Variants in DNM3 observed in about 807,000 individuals in gnomAD.
DNM3 encodes the protein dynamin 3.
A neutral mutation model predicts 101.6 loss-of-function variants in DNM3; 47 were observed. The observed-to-expected ratio is 0.46, with a 90% CI of 0.37 to 0.59. DNM3 has a LOEUF of 0.59. Ranked by LOEUF, DNM3 falls within the 20% of genes least tolerant of loss-of-function variation. The pLI is 0.00. For missense variants in DNM3, 849 were observed against 1,085.7 expected (o/e 0.78, Z 3.06); for synonymous variants, 385 against 387.9 (o/e 0.99, Z 0.09).
chr1:172,105,715 G>T (rs978866044), intron 13 of DNM3, among the ~76,000 whole-genome samples: 1 of 151,856 alleles, frequency 6.6e-6, no homozygotes, highest in South Asian at 2.1e-4. Flanking sequence ...TTCACTTGCT[G>T]TTTTCCCATC....
At chr1:172,383,244 C>A (rs2069011527) in intron 18 of DNM3, among the ~76,000 whole-genome samples, 1 of 152,116 alleles carries the variant, frequency 6.6e-6, no homozygotes, top group Admixed American at 6.6e-5. Context: ...ATTAGTTTTG[C>A]CTGTTTTTGC....
At position 172,410,042 on chromosome 1, in the gene DNM3, T is replaced by C. The variant is rs1350951515; in HGVS notation, c.*2201T>C. On this transcript the variant is annotated 3_prime_UTR_variant, in exon 21 of 21. Coordinates refer to ENST00000627582, the MANE Select transcript of DNM3 (RefSeq NM_015569.5). The stretch of plus-strand genomic sequence containing the variant: ...TTGCTTTTAGATTATAGTCCCACAG[T>C]TGCACTGCCCCAATTGTCTACCTTT... 1.0e-6 allele frequency: 1 copy of C among 985,562 alleles called. No homozygotes were observed. Among genetic ancestry groups the C allele is most frequent in the African/African-American group, 1.7e-5 (1 of 57,244 alleles). The allele number at this position is 985,562 out of a possible 1,614,324, so 61.1% of individuals were successfully genotyped here.
intron 13 of DNM3, among the ~76,000 whole-genome samples, chr1:172,106,279 T>C (rs1054717244): frequency 6.6e-6 from 1 of 151,980 alleles, no homozygotes; most frequent in South Asian, 2.1e-4. Context: ...AAATTGGCCA[T>C]ATGTGGTGGC....
intron 1 of DNM3, among the ~76,000 whole-genome samples, chr1:171,867,424 G>A (rs1443960952): frequency 2.0e-5 from 3 of 152,126 alleles, no homozygotes; most frequent in African/African-American, 4.8e-5. Context: ...TCACATCTGC[G>A]CTAGGCTCCA....
At chr1:172,093,674 A>G (rs777771472) in intron 13 of DNM3, 3 of 1,603,658 alleles carry the variant, frequency 1.9e-6, no homozygotes, top group African/African-American at 2.7e-5. Context: ...GAACTAAAGC[A>G]TATAATTCTT....
At chr1:172,413,306 A>C (rs975712647), downstream of DNM3, among the ~76,000 whole-genome samples, 1 of 152,140 alleles carries the variant, frequency 6.6e-6, no homozygotes, top group Non-Finnish European at 1.5e-5. Flanking sequence ...GGCTCACTGC[A>C]AGCTCCGCCT....
At chr1:172,012,886 A>G (rs1252894764) in intron 4 of DNM3, among the ~76,000 whole-genome samples, 1 of 152,030 alleles carries the variant, frequency 6.6e-6, no homozygotes, top group Non-Finnish European at 1.5e-5. Flanking sequence ...CTACTCAGGG[A>G]AAACTTAGAG....
chr1:172,263,444 G>A lies in DNM3; in HGVS notation c.1769+9762G>A, dbSNP rs139586003. Among the ~76,000 whole-genome samples, 812 of 152,192 alleles carry A rather than the reference G, an allele frequency of 5.3e-3. 2 individuals are homozygous for A. The highest frequency in any genetic ancestry group is 8.1e-3 in the Non-Finnish European group (548 of 68,002). On this transcript the variant is annotated intron_variant, in intron 15 of 20. Coordinates refer to ENST00000627582, the MANE Select transcript of DNM3 (RefSeq NM_015569.5). ...TTATCTATCCTGAATGTCAGTATTG[G>A]TACTGTGTATTATTCTGTTCTCATG...
intron 7 of DNM3, among the ~76,000 whole-genome samples, chr1:172,039,035 T>C (rs2049169973): frequency 6.6e-6 from 1 of 151,994 alleles, no homozygotes; most frequent in South Asian, 2.1e-4. Context: ...GATCTTCCCA[T>C]CTTATCTTTG....
chr1:171,996,524 A>G (rs1232882178), intron 4 of DNM3, among the ~76,000 whole-genome samples: 1 of 152,054 alleles, frequency 6.6e-6, no homozygotes, highest in Non-Finnish European at 1.5e-5. Context: ...TTTCCACTTC[A>G]TCAGACCATT....
At chr1:172,286,640 G>A (rs1368353620) in intron 15 of DNM3, among the ~76,000 whole-genome samples, 1 of 152,124 alleles carries the variant, frequency 6.6e-6, no homozygotes, top group Non-Finnish European at 1.5e-5. Flanking sequence ...TGAGACACCA[G>A]CCCCACATCT....
intron 2 of DNM3, among the ~76,000 whole-genome samples, chr1:171,966,366 G>C (rs1571869161): frequency 6.6e-6 from 1 of 152,204 alleles, no homozygotes; most frequent in Non-Finnish European, 1.5e-5. Flanking sequence ...GCAGAAGAAG[G>C]CATCTTCCTC....
intron 4 of DNM3, among the ~76,000 whole-genome samples, chr1:171,995,380 C>T (rs2045933073): frequency 1.3e-5 from 2 of 151,966 alleles, no homozygotes; most frequent in East Asian, 3.9e-4. Context: ...GTTGGGATTA[C>T]AGGTGTGAGC....
At chr1:172,287,805 GCACACACACA>G (rs3078985) in intron 15 of DNM3, among the ~76,000 whole-genome samples, 5 of 144,136 alleles carry the variant, frequency 3.5e-5, no homozygotes, top group South Asian at 2.2e-4. Context: ...ATATACACAT[GCACACACACA>G]CACACACACA....
At chr1:172,052,617 T>A (rs548365965) in intron 10 of DNM3, among the ~76,000 whole-genome samples, 2 of 152,278 alleles carry the variant, frequency 1.3e-5, no homozygotes, top group African/African-American at 4.8e-5. Flanking sequence ...TAAAGGACGC[T>A]CTTATTCCTG....
intron 2 of DNM3, among the ~76,000 whole-genome samples, chr1:171,938,393 C>G (rs923177447): frequency 3.9e-5 from 6 of 152,156 alleles, no homozygotes; most frequent in African/African-American, 1.4e-4. Flanking sequence ...GCATCTCCTC[C>G]TTGATTTCTG....
At chr1:172,050,042 A>T (rs2050097452) in intron 10 of DNM3, among the ~76,000 whole-genome samples, 1 of 152,150 alleles carries the variant, frequency 6.6e-6, no homozygotes, top group Non-Finnish European at 1.5e-5. Context: ...TCTCTTCTCC[A>T]AAACAAGAAA....
At chr1:171,916,844 A>G (rs2039752118) in intron 1 of DNM3, among the ~76,000 whole-genome samples, 2 of 152,100 alleles carry the variant, frequency 1.3e-5, no homozygotes, top group Non-Finnish European at 2.9e-5. Context: ...TCTCTGTCTC[A>G]TTCTGATCTC....
intron 14 of DNM3, among the ~76,000 whole-genome samples, chr1:172,192,002 A>G (rs2059744398): frequency 6.6e-6 from 1 of 152,108 alleles, no homozygotes; most frequent in Non-Finnish European, 1.5e-5. Context: ...CTCCTGCCTG[A>G]TTGCTCTGGC....
Sources: gnomAD v4.1 joint callset for allele counts (sites outside exome capture counted in the v4.1 genomes callset) on GRCh38, gnomAD v4.1.1 for gene constraint, MANE v1.5 for transcripts, NCBI Gene and HGNC (gene_info 2026-07-23, HGNC 2026-07-21) for gene names.